The following DLG1 variants were observed in gnomAD, a reference collection of about 807,000 sequenced individuals.
DLG1 encodes the protein discs large MAGUK scaffold protein 1.
Under a neutral mutation model 123.4 loss-of-function variants are expected in DLG1, and 42 were observed. The observed-to-expected ratio is 0.34, with a 90% CI of 0.27 to 0.44. DLG1 has a LOEUF of 0.44. DLG1 is among the 20% of genes least tolerant of loss of function. DLG1 has a pLI of 1.00. For missense variants in DLG1, 942 were observed against 1,082.6 expected (o/e 0.87, Z 1.82); for synonymous variants, 317 against 356.2 (o/e 0.89, Z 1.24).
At chr3:197,232,219 G>C (rs1743526763) in intron 4 of DLG1, among the ~76,000 whole-genome samples, 1 of 151,888 alleles carries the variant, frequency 6.6e-6, no homozygotes, top group Admixed American at 6.6e-5. Flanking sequence ...TGTGAAAGAA[G>C]ACCAGGCATG....
At chr3:197,161,746 T>A in intron 5 of DLG1, 1 of 1,546,014 alleles carries the variant, frequency 6.5e-7, no homozygotes, top group Non-Finnish European at 8.7e-7. Context: ...TGGCTAAAAA[T>A]CATCAATGAC....
chr3:197,097,945 A>G (rs113885024), intron 14 of DLG1, among the ~76,000 whole-genome samples: 15 of 152,184 alleles, frequency 9.9e-5, no homozygotes, highest in African/African-American at 3.6e-4. Context: ...CTAGAAAACA[A>G]CTAGGAAGTG....
intron 11 of DLG1, among the ~76,000 whole-genome samples, chr3:197,126,456 A>G (rs552247921): frequency 6.6e-6 from 1 of 152,058 alleles, no homozygotes; most frequent in Admixed American, 6.5e-5. Flanking sequence ...AACAAGAGCG[A>G]AACTCCATCT....
At chr3:197,298,156 G>A (rs765162664) in intron 1 of DLG1, 22 of 211,714 alleles carry the variant, frequency 1.0e-4, no homozygotes, top group Non-Finnish European at 1.7e-4. Context: ...GCTCCCACGT[G>A]ACCGCTTTCC....
chr3:197,095,635 T>C (rs534296144), intron 14 of DLG1, among the ~76,000 whole-genome samples: 1 of 152,324 alleles, frequency 6.6e-6, no homozygotes, highest in East Asian at 1.9e-4. Flanking sequence ...TTAACTTTAA[T>C]CGCTTGATAA....
intron 5 of DLG1, among the ~76,000 whole-genome samples, chr3:197,157,089 T>C (rs192149157): frequency 5.9e-5 from 9 of 152,320 alleles, no homozygotes; most frequent in African/African-American, 2.2e-4. Flanking sequence ...CTGAAAGCTT[T>C]TCCTCTAAGA....
chr3:197,184,679 T>C (rs2150166161), intron 5 of DLG1, among the ~76,000 whole-genome samples: 1 of 152,346 alleles, frequency 6.6e-6, no homozygotes, highest in Non-Finnish European at 1.5e-5. Context: ...GCATCATCTC[T>C]CTAGTATTTT....
rs1234296890 is a variant in DLG1 at position 197,130,546 on chromosome 3, T to G, written c.1146A>C (p.Ala382=). Residue 382 remains alanine, a synonymous_variant, in exon 11 of 25, where the codon GCA becomes GCC. Coordinates refer to ENST00000667157, the MANE Select transcript of DLG1 (RefSeq NM_001366207.1). ...PTSMYMNDGY[A]PPDITNSSSQ... ...ACTTACAGTTGGTGATATCAGGTGG[T>G]GCATAGCCATCATTCATATACATAC... The G allele has an allele frequency of 1.2e-6, 2 of 1,608,702 alleles. No homozygotes were observed. The highest frequency in any genetic ancestry group is 1.7e-6 in the Non-Finnish European group (2 of 1,177,750).
intron 14 of DLG1, among the ~76,000 whole-genome samples, chr3:197,102,700 C>A (rs2149288860): frequency 6.6e-6 from 1 of 152,272 alleles, no homozygotes; most frequent in African/African-American, 2.4e-5. Context: ...CATGGTGAAA[C>A]CCCGTCGCTA....
chr3:197,117,227 T>G (rs894577071), intron 12 of DLG1, among the ~76,000 whole-genome samples: 2 of 152,176 alleles, frequency 1.3e-5, no homozygotes, highest in Non-Finnish European at 2.9e-5. Flanking sequence ...AACTCACACA[T>G]TACTGATGAG....
intron 24 of DLG1, among the ~76,000 whole-genome samples, chr3:197,051,233 C>T (rs745557247): frequency 6.6e-6 from 1 of 152,114 alleles, no homozygotes; most frequent in East Asian, 1.9e-4. Context: ...ATTAGCTGGG[C>T]GTGGTGGCAG....
chr3:197,109,496 AGTT>A (rs1241721492), intron 13 of DLG1, among the ~76,000 whole-genome samples: 2 of 152,196 alleles, frequency 1.3e-5, no homozygotes, highest in Non-Finnish European at 2.9e-5. Context: ...TGCTTTATTC[AGTT>A]GTTTTTAAAA....
intron 4 of DLG1, among the ~76,000 whole-genome samples, chr3:197,262,198 T>C (rs151149919): frequency 1.3e-5 from 2 of 152,262 alleles, no homozygotes. Context: ...ATTAGAGGGT[T>C]AGAGGGCTGG....
intron 22 of DLG1, among the ~76,000 whole-genome samples, chr3:197,064,771 T>A (rs551956469): frequency 3.9e-5 from 6 of 152,294 alleles, no homozygotes; most frequent in South Asian, 2.1e-4. Flanking sequence ...AAAAGTTTTT[T>A]AAAAATTTTA....
chr3:197,228,689 T>A (rs1021746585), intron 4 of DLG1, among the ~76,000 whole-genome samples: 2 of 152,324 alleles, frequency 1.3e-5, no homozygotes, highest in East Asian at 3.9e-4. Context: ...ATCTGATAGA[T>A]TTGCACTAAA....
At chr3:197,183,671 A>G (rs1356250624) in intron 5 of DLG1, 1 of 1,550,574 alleles carries the variant, frequency 6.4e-7, no homozygotes. Flanking sequence ...GTTCTGGCTC[A>G]GCTTGCAGTT....
At chr3:197,218,239 T>C (rs1735059389) in intron 4 of DLG1, among the ~76,000 whole-genome samples, 1 of 152,208 alleles carries the variant, frequency 6.6e-6, no homozygotes, top group Admixed American at 6.5e-5. Context: ...ATGAAATTTA[T>C]AATCATCATA....
rs140946850 is a variant in DLG1 at position 197,187,539 on chromosome 3, A to C, written c.483+6886T>G. Reference sequence around the variant, plus strand: ...GTTTGATTTCAAGTCCCTCTTAGTAATGTTTACTTTGTATACAATAGTTTG... The same window carrying C: ...GTTTGATTTCAAGTCCCTCTTAGTACTGTTTACTTTGTATACAATAGTTTG... On this transcript the variant is annotated intron_variant, in intron 5 of 24. Coordinates refer to ENST00000667157, the MANE Select transcript of DLG1 (RefSeq NM_001366207.1). Among the ~76,000 whole-genome samples the C allele has an allele frequency of 1.6e-3, 240 of 152,300 alleles. 1 individual carries two copies. Among genetic ancestry groups the C allele is most frequent in the African/African-American group, 5.3e-3 (220 of 41,570 alleles).
rs1413895357 is a variant in DLG1, at chr3:197,076,577, C to G, written c.2005+9G>C. On this transcript the variant is annotated intron_variant, in intron 18 of 24. Transcript: ENST00000667157. ...TATTTTCAGTTGACCACTGGATCCA[C>G]ATACTTACGGTCAGCATCACTTGTT... The G allele has an allele frequency of 6.2e-7, 1 of 1,602,838 alleles. No individual in the cohort carries two copies. The highest frequency in any genetic ancestry group is 8.5e-7 in the Non-Finnish European group (1 of 1,171,632).
Sources: allele counts gnomAD v4.1 joint callset (sites outside exome capture counted in the v4.1 genomes callset), GRCh38; gene constraint gnomAD v4.1.1; transcripts MANE v1.5; gene names NCBI Gene and HGNC (gene_info 2026-07-23, HGNC 2026-07-21).